NTN1: variants seen among roughly 807,000 people sequenced by gnomAD.
NTN1 encodes netrin 1.
Under a neutral mutation model 54.2 loss-of-function variants are expected in NTN1, and 11 were observed. The observed-to-expected ratio is 0.20, with a 90% CI of 0.13 to 0.34. The LOEUF (loss-of-function observed/expected upper bound fraction) is 0.34. NTN1 is among the 10% of genes least tolerant of loss of function. The probability of loss-of-function intolerance (pLI) is 1.00; values close to 1 mark genes in which losing one functional copy is unlikely to be tolerated. For synonymous variants in NTN1, 371 were observed against 382.0 expected (o/e 0.97, Z 0.33); for missense variants, 740 against 893.1 (o/e 0.83, Z 2.18).
chr17:9,081,583 C>T (rs2092071336), intron 2 of NTN1, among the ~76,000 whole-genome samples: 1 of 152,216 alleles, frequency 6.6e-6, no homozygotes, highest in Non-Finnish European at 1.5e-5. Context: ...ACACATCCTG[C>T]CATGAAGTAC....
chr17:9,235,057 G>A (rs1905940080), intron 6 of NTN1, among the ~76,000 whole-genome samples: 1 of 147,744 alleles, frequency 6.8e-6, no homozygotes. Context: ...CCGCCTCCCG[G>A]GTTCAAGCGA....
In NTN1 at chr17:9,135,018, G is replaced by GC. The variant is rs2092276776; in HGVS notation, c.1019-27794dup. 6.6e-6 allele frequency among the ~76,000 whole-genome samples: 1 copy of GC among 152,204 alleles called. No individual in the cohort carries two copies. The highest frequency in any genetic ancestry group is 1.9e-4 in the East Asian group (1 of 5,188). On this transcript the variant is annotated intron_variant, in intron 2 of 6. Transcript: ENST00000173229. The surrounding 1 kb of genome is among the most constrained non-coding windows in gnomAD (Gnocchi z 4.4). ...GAATGGACACCCCCATTGTCATGCA[G>GC]CTGACACCTCCAACCCCCATACCCA...
chr17:9,094,324 C>T (rs1253709537), intron 2 of NTN1, among the ~76,000 whole-genome samples: 2 of 151,976 alleles, frequency 1.3e-5, no homozygotes, highest in African/African-American at 4.8e-5. Flanking sequence ...CAGTGAGGTA[C>T]ATTCTTGGAG....
At chr17:9,097,051 T>C (rs935625860) in intron 2 of NTN1, among the ~76,000 whole-genome samples, 2 of 152,226 alleles carry the variant, frequency 1.3e-5, no homozygotes, top group African/African-American at 4.8e-5. Context: ...TCACTGAGAC[T>C]TTCCTTGTTT....
intron 2 of NTN1, among the ~76,000 whole-genome samples, chr17:9,108,769 T>C (rs1411382294): frequency 3.9e-5 from 6 of 152,334 alleles, no homozygotes; most frequent in African/African-American, 7.2e-5. Flanking sequence ...TCAGCATAGT[T>C]AGAACACTTT....
the NTN1 span, among the ~76,000 whole-genome samples, chr17:9,004,010 A>G: frequency 1.3e-5 from 2 of 152,122 alleles, no homozygotes; most frequent in East Asian, 3.9e-4. Flanking sequence ...GTCGGGCGAG[A>G]GCTGGACCCA....
At chr17:9,106,845 A>T (rs556304730) in intron 2 of NTN1, among the ~76,000 whole-genome samples, 1 of 94,202 alleles carries the variant, frequency 1.1e-5, no homozygotes, top group South Asian at 5.0e-4. Flanking sequence ...CTTTTGTTGT[A>T]TCTTCGCCGT....
intron 2 of NTN1, among the ~76,000 whole-genome samples, chr17:9,072,875 A>G (rs2092036850): frequency 6.6e-6 from 1 of 151,954 alleles, no homozygotes; most frequent in Non-Finnish European, 1.5e-5. Flanking sequence ...AGCTGCTGTG[A>G]TTTTCTTTTT....
At chr17:9,146,589 TG>T (rs1567721798) in intron 2 of NTN1, among the ~76,000 whole-genome samples, 1 of 149,550 alleles carries the variant, frequency 6.7e-6, no homozygotes, top group Non-Finnish European at 1.5e-5. Flanking sequence ...AGGGGACCTG[TG>T]GGTCTTTAGA....
At chr17:9,177,838 GACAA>G (rs1235235646) in intron 3 of NTN1, 5 of 152,406 alleles carry the variant, frequency 3.3e-5, no homozygotes, top group African/African-American at 7.2e-5. Flanking sequence ...TGTCGAGAGA[GACAA>G]ACAACAGAGA....
intron 2 of NTN1, among the ~76,000 whole-genome samples, chr17:9,073,657 T>A (rs1185625777): frequency 1.3e-5 from 2 of 152,218 alleles, no homozygotes; most frequent in Non-Finnish European, 1.5e-5. Context: ...CTCTGCTTCC[T>A]TCCCTCCAGG....
intron 6 of NTN1, among the ~76,000 whole-genome samples, chr17:9,223,948 C>T (rs1260990149): frequency 1.3e-5 from 2 of 152,152 alleles, no homozygotes; most frequent in Non-Finnish European, 2.9e-5. Flanking sequence ...TTGTTTTGAT[C>T]GCCTATTTGG....
At chr17:9,117,993 CAA>C (rs1442243205) in intron 2 of NTN1, among the ~76,000 whole-genome samples, 1 of 152,162 alleles carries the variant, frequency 6.6e-6, no homozygotes, top group African/African-American at 2.4e-5. Flanking sequence ...TAGAAACGCT[CAA>C]GAGCGTAGCT....
intron 2 of NTN1, among the ~76,000 whole-genome samples, chr17:9,111,306 G>T (rs1278014142): frequency 2.0e-5 from 3 of 152,158 alleles, no homozygotes; most frequent in African/African-American, 7.2e-5. Flanking sequence ...ATAAGGTCAC[G>T]TTTACAGGCA....
At chr17:9,220,996 G>T (rs528829586) in intron 5 of NTN1, among the ~76,000 whole-genome samples, 172 bp from the exon 6 acceptor site, 1 of 152,108 alleles carries the variant, frequency 6.6e-6, no homozygotes, top group East Asian at 1.9e-4. Context: ...TGTCCCTCAG[G>T]CCTCTTTAGA....
At chr17:9,007,487 T>C in the NTN1 span, among the ~76,000 whole-genome samples, 5 of 149,774 alleles carry the variant, frequency 3.3e-5, no homozygotes, top group African/African-American at 1.3e-4. Flanking sequence ...TCATTCATTC[T>C]TTCTTTCTCT....
intron 2 of NTN1, among the ~76,000 whole-genome samples, chr17:9,116,517 A>C (rs902277537): frequency 6.6e-6 from 1 of 152,192 alleles, no homozygotes; most frequent in Non-Finnish European, 1.5e-5. Flanking sequence ...TTCTCTCCCC[A>C]CATCTCTCTG....
chr17:9,163,997 A>C (rs1184048775), intron 3 of NTN1, among the ~76,000 whole-genome samples: 1 of 152,280 alleles, frequency 6.6e-6, no homozygotes, highest in African/African-American at 2.4e-5. Flanking sequence ...AAGCCACGGC[A>C]GACAGGCCCA....
chr17:9,180,304 G>T (rs1247379308), intron 4 of NTN1, among the ~76,000 whole-genome samples: 1 of 152,228 alleles, frequency 6.6e-6, no homozygotes, highest in East Asian at 1.9e-4. Context: ...CTCCCAAAGC[G>T]CTGGGATTAG....
Sources: gnomAD v4.1 joint callset for allele counts (sites outside exome capture counted in the v4.1 genomes callset) on GRCh38, gnomAD v4.1.1 for gene constraint, Gnocchi (gnomAD v3.1) non-coding constraint, MANE v1.5 for transcripts, NCBI Gene and HGNC (gene_info 2026-07-23, HGNC 2026-07-21) for gene names.